Variants in SLC2A5 observed in about 807,000 individuals in gnomAD.
SLC2A5 encodes solute carrier family 2 member 5, also known as solute carrier family 2, facilitated glucose transporter member 5.
SLC2A5 carries 56 observed loss-of-function variants against 50.3 expected under a neutral mutation model. The ratio of observed to expected loss-of-function variants is 1.11; its 90% confidence interval spans 0.90 to 1.39. SLC2A5 has a LOEUF of 1.39. SLC2A5 is among the 40% of genes most tolerant of loss of function. The pLI is 0.00. For missense variants in SLC2A5, 566 were observed against 650.1 expected, an observed-to-expected ratio of 0.87 and a Z score of 1.41; for synonymous variants, 269 against 281.9, an observed-to-expected ratio of 0.95 and a Z score of 0.46.
intron 8 of SLC2A5, 112 bp downstream of exon 8, chr1:9,039,440 C>G (rs938093508): frequency 1.4e-6 from 1 of 719,514 alleles, no homozygotes; most frequent in Non-Finnish European, 2.2e-6. Flanking sequence ...GTAGTAGCGG[C>G]TGGTCCTCCA....
At chr1:9,082,769 C>A in intron 2 of SLC2A5, 1 of 427,596 alleles carries the variant, frequency 2.3e-6, no homozygotes, top group South Asian at 1.8e-5. Flanking sequence ...GGCAGCCCAA[C>A]CCTGACCTAA....
In SLC2A5 at chr1:9,059,029, T is replaced by C. The variant is rs1457900306; in HGVS notation, c.34-779A>G. ...TGCCAGGATTAATTACGACCATGTC[T>C]AGCTGCAGAGGTGAATCTGCTGTTG... On this transcript the variant is annotated intron_variant, in intron 1 of 11. Coordinates refer to ENST00000377424, the MANE Select transcript of SLC2A5 (RefSeq NM_003039.3). Among the ~76,000 whole-genome samples the C allele has an allele frequency of 3.3e-5, 5 of 152,066 alleles. 1 individual carries two copies. Among genetic ancestry groups the C allele is most frequent in the Admixed American group, 1.3e-4 (2 of 15,240 alleles).
intron 1 of SLC2A5, among the ~76,000 whole-genome samples, chr1:9,086,310 C>T (rs1166814036): frequency 6.6e-6 from 1 of 151,930 alleles, no homozygotes; most frequent in African/African-American, 2.4e-5. Flanking sequence ...AGGCCAGCCA[C>T]GCCCTAAGGG....
chr1:9,042,039 G>C, intron 4 of SLC2A5, 102 bp from the exon 5 acceptor site: 1 of 1,427,532 alleles, frequency 7.0e-7, no homozygotes, highest in Non-Finnish European at 9.2e-7. Context: ...ATTTGGGCCA[G>C]AACTCTCTCA....
intron 4 of SLC2A5, 87 bp from the exon 5 acceptor site, chr1:9,042,024 A>G: frequency 6.9e-7 from 1 of 1,447,242 alleles, no homozygotes; most frequent in Non-Finnish European, 9.1e-7. Flanking sequence ...CTTAGCAATA[A>G]CATTATTTGG....
upstream of SLC2A5, among the ~76,000 whole-genome samples, chr1:9,091,154 C>T (rs1311144113): frequency 6.6e-6 from 1 of 152,198 alleles, no homozygotes; most frequent in South Asian, 2.1e-4. Context: ...TTGCTAAACT[C>T]CTTTATTAAC....
chr1:9,069,031 C>G (rs1401994133), intron 1 of SLC2A5, among the ~76,000 whole-genome samples: 2 of 152,156 alleles, frequency 1.3e-5, no homozygotes, highest in East Asian at 3.8e-4. Context: ...GGCAGGAAAC[C>G]TACGTGACAG....
chr1:9,070,072 G>GTTTT (rs56828280), upstream of SLC2A5, among the ~76,000 whole-genome samples: 99 of 62,514 alleles, frequency 1.6e-3, 10 homozygotes, highest in African/African-American at 2.8e-3. Flanking sequence ...CTCATTTTCT[G>GTTTT]TTTTTTTTTT....
upstream of SLC2A5, among the ~76,000 whole-genome samples, chr1:9,092,433 C>G (rs1569933255): frequency 6.6e-6 from 1 of 152,248 alleles, no homozygotes; most frequent in East Asian, 1.9e-4. Context: ...ACACTTAACC[C>G]CAGATATAAA....
At chr1:9,043,250 C>T (rs1167360946) in intron 4 of SLC2A5, among the ~76,000 whole-genome samples, 1 of 151,994 alleles carries the variant, frequency 6.6e-6, no homozygotes, top group Non-Finnish European at 1.5e-5. Flanking sequence ...CTGTTGATGG[C>T]GGGGTATTTG....
chr1:9,059,395 G>T (rs1031584520), intron 1 of SLC2A5, among the ~76,000 whole-genome samples: 44 of 151,362 alleles, frequency 2.9e-4, no homozygotes, highest in Non-Finnish European at 5.9e-4. Flanking sequence ...TGCCTGCCTT[G>T]GCCTCCCAAA....
chr1:9,047,665 G>T lies in SLC2A5; in HGVS notation c.363C>A (p.Val121=), dbSNP rs140613656. 6.2e-7 allele frequency: 1 copy of T among 1,613,744 alleles called. No individual in the cohort carries two copies. The change falls in exon 4 of 12, where the codon GTC becomes GTA. Residue 121 remains valine, a synonymous_variant. Coordinates refer to ENST00000377424, the MANE Select transcript of SLC2A5 (RefSeq NM_003039.3). ...TAATGATAAGCTCAAATGATGTGGC[G>T]ACTCTGCTGCATCCCATTAAGATCG... ...VPAILMGCSR[V]ATSFELIIIS...
At position 9,047,618 on chromosome 1, in the gene SLC2A5, A is replaced by T; in HGVS notation, c.410T>A (p.Ile137Lys). 6.2e-7 allele frequency: 1 copy of T among 1,613,798 alleles called. No individual in the cohort carries two copies. The highest frequency in any genetic ancestry group is 8.5e-7 in the Non-Finnish European group (1 of 1,179,814). The part of the protein sequence containing the change: ...LIIISRLLVG[I>K]CAGVSSNVVP... ...AGCATAGCATTGTTTACCTGCACAT[A>T]TTCCCACCAAAAGTCTGGAAATAAT... The change falls in exon 4 of 12, where the codon ATA becomes AAA. Residue 137 changes from isoleucine (I) to lysine (K), a missense_variant. Ile to Lys is a moderately radical substitution (Grantham distance 102, BLOSUM62 -3). Coordinates refer to ENST00000377424, the MANE Select transcript of SLC2A5 (RefSeq NM_003039.3).
chr1:9,060,300 C>CAT (rs146615449), intron 1 of SLC2A5, among the ~76,000 whole-genome samples: 2 of 124,224 alleles, frequency 1.6e-5, no homozygotes, highest in African/African-American at 3.3e-5. Context: ...CACACACACA[C>CAT]GCCCCCCCAC....
chr1:9,038,406 C>A (rs1427198051), intron 10 of SLC2A5, 25 bp downstream of exon 10: 1 of 1,591,660 alleles, frequency 6.3e-7, no homozygotes, highest in Non-Finnish European at 8.6e-7. Context: ...GTTGTGACAC[C>A]CTGAGGCCAG....
chr1:9,051,755 C>T (rs1641583606), intron 3 of SLC2A5, among the ~76,000 whole-genome samples: 1 of 152,168 alleles, frequency 6.6e-6, no homozygotes, highest in South Asian at 2.1e-4. Context: ...TATCTGTACT[C>T]ATATGATCCA....
In SLC2A5 at chr1:9,056,268, C is replaced by T. The variant is rs577132337; in HGVS notation, c.293+1180G>A. On this transcript the variant is annotated intron_variant, in intron 3 of 11. Transcript: ENST00000377424. Reference sequence around the variant, plus strand: ...TGGTGCGATCTTAGCTCACGGCAACCTCCGCTTCCCAGGCTCAAGCAATTC... The same window carrying T: ...TGGTGCGATCTTAGCTCACGGCAACTTCCGCTTCCCAGGCTCAAGCAATTC... Among the ~76,000 whole-genome samples, 21 of 152,308 alleles carry T rather than the reference C, an allele frequency of 1.4e-4. No individual in the cohort carries two copies. In the East Asian group the frequency reaches 3.7e-3, roughly 27 times the overall value.
rs752801775 is a variant in SLC2A5, at chr1:9,038,483, G to A, written c.1122C>T (p.Tyr374=). The A allele has an allele frequency of 1.1e-5, 17 of 1,613,178 alleles. No homozygotes were observed. Among genetic ancestry groups the A allele is most frequent in the East Asian group, 2.2e-5 (1 of 44,880 alleles). The change falls in exon 10 of 12, where the codon TAC becomes TAT. Residue 374 remains tyrosine (Y), a synonymous_variant. Transcript: ENST00000377424. ...ALQDTVSWMP[Y]ISIVCVISYV... is the part of the protein sequence containing the mutation. ...AGGAGATGACACAGACGATGCTGAT[G>A]TATGGCATCCAGGACACTGTGTCCT...
At chr1:9,066,387 C>T (rs1642083796) in intron 1 of SLC2A5, among the ~76,000 whole-genome samples, 1 of 152,010 alleles carries the variant, frequency 6.6e-6, no homozygotes, top group African/African-American at 2.4e-5. Flanking sequence ...AGGCACGGTC[C>T]CCATGCCCAG....
Sources: gnomAD v4.1 joint callset for allele counts (sites outside exome capture counted in the v4.1 genomes callset) on GRCh38, gnomAD v4.1.1 for gene constraint, MANE v1.5 for transcripts, NCBI Gene and HGNC (gene_info 2026-07-23, HGNC 2026-07-21) for gene names.